The following DNAJC11 variants were observed in gnomAD, a reference collection of about 807,000 sequenced individuals.
The protein encoded by DNAJC11 is DnaJ heat shock protein family (Hsp40) member C11, also known as dnaJ homolog subfamily C member 11.
In DNAJC11, 15 loss-of-function variants were observed where a neutral mutation model predicts 78.6. The observed-to-expected ratio is 0.19, with a 90% CI of 0.13 to 0.29. DNAJC11 has a LOEUF of 0.29. Ranked by LOEUF, DNAJC11 falls within the 10% of genes least tolerant of loss-of-function variation. DNAJC11 has a pLI of 1.00. For missense variants in DNAJC11, 547 were observed against 709.6 expected, an observed-to-expected ratio of 0.77 and a Z score of 2.60; for synonymous variants, 292 against 272.1, an observed-to-expected ratio of 1.07 and a Z score of -0.72.
intron 1 of DNAJC11, among the ~76,000 whole-genome samples, chr1:6,688,497 T>C (rs1233488169): frequency 6.6e-6 from 1 of 152,156 alleles, no homozygotes; most frequent in Non-Finnish European, 1.5e-5. Flanking sequence ...TATAATATGG[T>C]CCGTAGCTCA....
intron 4 of DNAJC11, among the ~76,000 whole-genome samples, chr1:6,662,607 A>T (rs772720533): frequency 6.6e-6 from 1 of 151,988 alleles, no homozygotes; most frequent in Non-Finnish European, 1.5e-5. Flanking sequence ...ACCAATCAGC[A>T]CTCTGTAAAA....
At chr1:6,646,903 C>G (rs1641974288) in intron 7 of DNAJC11, among the ~76,000 whole-genome samples, 1 of 151,940 alleles carries the variant, frequency 6.6e-6, no homozygotes, top group African/African-American at 2.4e-5. Context: ...CACCTGTAAC[C>G]CCAGCACTTT....
rs1273255827 is a variant in DNAJC11, at chr1:6,701,753, G to A, written c.48C>T (p.Tyr16=). The A allele has an allele frequency of 1.3e-6, 2 of 1,567,390 alleles. No individual in the cohort carries two copies. The highest frequency in any genetic ancestry group is 2.8e-5 in the African/African-American group (2 of 70,940). Residue 16 remains tyrosine (Y), a synonymous_variant, in exon 1 of 16, where the codon TAC becomes TAT. Coordinates refer to ENST00000377577, the MANE Select transcript of DNAJC11 (RefSeq NM_018198.4). ...CCTCCCTGCGCACGTTCAGCAACGAGTAATAGTCTTCATTGTCCAGCTCCT... is the reference window on the plus strand; with the variant it reads ...CCTCCCTGCGCACGTTCAGCAACGAATAATAGTCTTCATTGTCCAGCTCCT... ...SEEELDNEDY[Y]SLLNVRREAS...
intron 7 of DNAJC11, 62 bp from the exon 8 acceptor site, chr1:6,646,040 T>C: frequency 3.2e-6 from 5 of 1,544,796 alleles, no homozygotes; most frequent in South Asian, 1.1e-5. Context: ...GTTCTGTTAC[T>C]TCCTCTCTGC....
intron 4 of DNAJC11, among the ~76,000 whole-genome samples, chr1:6,658,641 C>CA (rs35696356): frequency 0.32 from 45,556 of 143,110 alleles, 7,380 homozygotes; most frequent in South Asian, 0.48. Context: ...ATTACTCTGA[C>CA]AAAAAAAATT....
Position 6,634,631 on chromosome 1 carries a change from C to T in DNAJC11, c.*1044G>A, listed in dbSNP as rs747021640. On this transcript the variant is annotated 3_prime_UTR_variant, in exon 16 of 16. Transcript: ENST00000377577. Reference sequence around the variant, plus strand: ...AGGCCTCACGTAACTTTACTGCAGCCGAGGTCCAGGCCGTGGAGGGGGTCC... The same window carrying T: ...AGGCCTCACGTAACTTTACTGCAGCTGAGGTCCAGGCCGTGGAGGGGGTCC... 107 of 1,366,334 alleles carry T rather than the reference C, an allele frequency of 7.8e-5. 1 individual carries two copies. In the Middle Eastern group the frequency reaches 3.6e-3, roughly 45 times the overall value. 84.6% of individuals were successfully genotyped at this position (1,366,334 alleles called of 1,614,324 possible). A position where few individuals can be genotyped will look rare whatever the true frequency, so the allele number is the denominator to read the frequency against.
chr1:6,649,300 G>C (rs1233441568), intron 7 of DNAJC11, among the ~76,000 whole-genome samples: 1 of 152,038 alleles, frequency 6.6e-6, no homozygotes, highest in East Asian at 1.9e-4. Flanking sequence ...CTCCCGAGTA[G>C]CTGGGACTAA....
intron 1 of DNAJC11, among the ~76,000 whole-genome samples, chr1:6,687,580 A>G (rs1642677274): frequency 6.6e-6 from 1 of 152,004 alleles, no homozygotes. Flanking sequence ...GATGGTCTCA[A>G]TCTCCTGACC....
At chr1:6,690,304 G>A (rs1409242410) in intron 1 of DNAJC11, among the ~76,000 whole-genome samples, 2 of 152,008 alleles carry the variant, frequency 1.3e-5, no homozygotes, top group South Asian at 2.1e-4. Context: ...AGAAATACAC[G>A]GCATTCATTT....
intron 4 of DNAJC11, among the ~76,000 whole-genome samples, chr1:6,654,908 C>T (rs190105880): frequency 2.4e-4 from 36 of 152,168 alleles, no homozygotes; most frequent in South Asian, 1.9e-3. Context: ...AAGCGATTCT[C>T]CTGCCTTAGT....
intron 2 of DNAJC11, among the ~76,000 whole-genome samples, chr1:6,679,506 C>G (rs1642522951): frequency 6.6e-6 from 1 of 152,152 alleles, no homozygotes; most frequent in Admixed American, 6.5e-5. Context: ...CAATTTCTGC[C>G]AAGACCTTTG....
At chr1:6,701,059 G>A (rs1363092720) in intron 1 of DNAJC11, among the ~76,000 whole-genome samples, 2 of 152,166 alleles carry the variant, frequency 1.3e-5, no homozygotes, top group East Asian at 1.9e-4. Context: ...TGTGAATGTT[G>A]AAGCTGTTGT....
At chr1:6,675,204 A>C (rs149856) in intron 3 of DNAJC11, among the ~76,000 whole-genome samples, 79,027 of 151,596 alleles carry the variant, frequency 0.52, 21,005 homozygotes, top group Admixed American at 0.62. Flanking sequence ...ACTAATACAT[A>C]TCCGAGTAAA....
At chr1:6,685,571 G>C (rs760336407) in intron 1 of DNAJC11, among the ~76,000 whole-genome samples, 3 of 152,112 alleles carry the variant, frequency 2.0e-5, no homozygotes, top group Admixed American at 6.6e-5. Context: ...ATCAATCCGA[G>C]CTCCTCTGCC....
At chr1:6,694,974 CAA>C (rs869181454) in intron 1 of DNAJC11, among the ~76,000 whole-genome samples, 3 of 32,110 alleles carry the variant, frequency 9.3e-5, no homozygotes, top group East Asian at 1.2e-3. Context: ...GACTCCGAAT[CAA>C]AAAAAAAAAA....
rs759679317 is a variant in DNAJC11 at position 6,645,026 on chromosome 1, C to A, written c.980+15G>T. The A allele has an allele frequency of 4.6e-5, 74 of 1,612,764 alleles. No individual in the cohort carries two copies. Among genetic ancestry groups the A allele is most frequent in the Non-Finnish European group, 6.0e-5 (71 of 1,178,982 alleles). ...AGTACCAGTGTGCTTCCATTTTAGC[C>A]AGGCCAGGACTTACTTGAGGGATCC... is the stretch of plus-strand genomic sequence containing the variant. On this transcript the variant is annotated intron_variant, in intron 9 of 15. Transcript: ENST00000377577. The surrounding 1 kb of genome is among the most constrained non-coding windows in gnomAD (Gnocchi z 4.1).
At chr1:6,678,678 G>C (rs1642507894) in intron 2 of DNAJC11, among the ~76,000 whole-genome samples, 2 of 152,046 alleles carry the variant, frequency 1.3e-5, no homozygotes, top group Admixed American at 6.5e-5. Context: ...TGACTGACAG[G>C]GTCCTTCTCT....
At chr1:6,671,316 C>T (rs1414045541) in intron 3 of DNAJC11, among the ~76,000 whole-genome samples, 1 of 152,190 alleles carries the variant, frequency 6.6e-6, no homozygotes, top group Non-Finnish European at 1.5e-5. Context: ...GATCTCGGCT[C>T]ACTGCAAGCT....
intron 4 of DNAJC11, among the ~76,000 whole-genome samples, chr1:6,664,661 A>AGT (rs1642269207): frequency 6.6e-6 from 1 of 152,214 alleles, no homozygotes; most frequent in South Asian, 2.1e-4. Flanking sequence ...TTTTGGTACC[A>AGT]GTACCACTTT....
Sources: gnomAD v4.1 joint callset for allele counts (sites outside exome capture counted in the v4.1 genomes callset) on GRCh38, gnomAD v4.1.1 for gene constraint, Gnocchi (gnomAD v3.1) non-coding constraint, MANE v1.5 for transcripts, NCBI Gene and HGNC (gene_info 2026-07-23, HGNC 2026-07-21) for gene names.